The following SLC24A2 variants were observed in gnomAD, a reference collection of about 807,000 sequenced individuals.
The protein encoded by SLC24A2 is sodium/potassium/calcium exchanger 2.
A neutral mutation model predicts 62.0 loss-of-function variants in SLC24A2; 36 were observed. That is an observed-to-expected ratio of 0.58 (90% CI 0.44 to 0.77). SLC24A2 has a LOEUF of 0.77. SLC24A2 is among the 30% of genes least tolerant of loss of function. The pLI, the probability that SLC24A2 is intolerant of heterozygous loss-of-function variation, is 0.00. For missense variants in SLC24A2, 846 were observed against 817.9 expected (o/e 1.03, Z -0.42); for synonymous variants, 358 against 294.0 (o/e 1.22, Z -2.23).
At chr9:19,562,140 T>C (rs746430404) in intron 7 of SLC24A2, among the ~76,000 whole-genome samples, 1 of 152,214 alleles carries the variant, frequency 6.6e-6, no homozygotes, top group Non-Finnish European at 1.5e-5. Context: ...TCCATATTGC[T>C]GTAGTAAATT....
At chr9:19,945,573 G>C in the SLC24A2 span, among the ~76,000 whole-genome samples, 1 of 152,110 alleles carries the variant, frequency 6.6e-6, no homozygotes, top group Non-Finnish European at 1.5e-5. Context: ...AATTACCTTT[G>C]CTTGTGGCAT....
the SLC24A2 span, among the ~76,000 whole-genome samples, chr9:20,223,430 T>C: frequency 1.3e-5 from 2 of 152,088 alleles, no homozygotes; most frequent in Non-Finnish European, 2.9e-5. Context: ...TTCAAGACCA[T>C]CCTGGTCAAC....
intron 2 of SLC24A2, among the ~76,000 whole-genome samples, chr9:19,721,572 T>C (rs1428391391): frequency 6.6e-6 from 1 of 152,102 alleles, no homozygotes; most frequent in African/African-American, 2.4e-5. Context: ...ATCAGGGCAA[T>C]TAATAAAGAA....
chr9:19,890,006 C>T, the SLC24A2 span, among the ~76,000 whole-genome samples: 1 of 148,274 alleles, frequency 6.7e-6, no homozygotes, highest in Admixed American at 6.8e-5. Context: ...TCTTTGCACA[C>T]AGTTCATATC....
At chr9:19,686,866 A>C (rs1435117285) in intron 2 of SLC24A2, among the ~76,000 whole-genome samples, 1 of 152,176 alleles carries the variant, frequency 6.6e-6, no homozygotes, top group Non-Finnish European at 1.5e-5. Flanking sequence ...ACAACAGCAA[A>C]GACATGGAAT....
rs775977653 is a variant in SLC24A2, at chr9:19,573,459, C to T, written c.1239G>A (p.Glu413=). ...NGAANHVEKI[E]LPNSTSTDVE... ...CATCTGTGCTGGTGCTGTTTGGAAG[C>T]TCAATTTTTTCTGTGATATAATTTA... The change falls in exon 7 of 11, where the codon GAG becomes GAA. Residue 413 remains glutamate (E), a synonymous_variant. Transcript: ENST00000341998. 1.1e-5 allele frequency: 18 copies of T among 1,597,202 alleles called. No individual in the cohort carries two copies. The highest frequency in any genetic ancestry group is 1.5e-5 in the Non-Finnish European group (17 of 1,169,764).
chr9:20,039,407 C>A, the SLC24A2 span, among the ~76,000 whole-genome samples: 1 of 151,674 alleles, frequency 6.6e-6, no homozygotes, highest in Non-Finnish European at 1.5e-5. Flanking sequence ...GGGAGGGAAA[C>A]CCAGTCCAGG....
At chr9:20,072,317 T>C in the SLC24A2 span, among the ~76,000 whole-genome samples, 22 of 152,242 alleles carry the variant, frequency 1.4e-4, no homozygotes, top group East Asian at 3.7e-3. Context: ...GAGGGTCTTA[T>C]GACCCACAAG....
At chr9:20,269,990 T>G in the SLC24A2 span, among the ~76,000 whole-genome samples, 1 of 152,186 alleles carries the variant, frequency 6.6e-6, no homozygotes, top group Admixed American at 6.5e-5. Flanking sequence ...AGATTTTTCA[T>G]GCTGCATCAT....
intron 2 of SLC24A2, among the ~76,000 whole-genome samples, chr9:19,745,692 T>G (rs1821812835): frequency 6.6e-6 from 1 of 152,204 alleles, no homozygotes; most frequent in Non-Finnish European, 1.5e-5. Context: ...CTTTTCTACA[T>G]GCTGGGAAAG....
chr9:20,240,203 T>A, the SLC24A2 span, among the ~76,000 whole-genome samples: 1 of 152,130 alleles, frequency 6.6e-6, no homozygotes, highest in Admixed American at 6.5e-5. Flanking sequence ...GCAGCCACCC[T>A]ACCTGGGCAG....
chr9:20,106,184 T>A, the SLC24A2 span, among the ~76,000 whole-genome samples: 1 of 152,050 alleles, frequency 6.6e-6, no homozygotes, highest in Non-Finnish European at 1.5e-5. Context: ...AATAACAGGA[T>A]CTGAAATTGT....
the SLC24A2 span, among the ~76,000 whole-genome samples, chr9:20,269,719 T>C: frequency 6.6e-6 from 1 of 152,156 alleles, no homozygotes; most frequent in South Asian, 2.1e-4. Flanking sequence ...CTTCTGGTAG[T>C]CATCTCTATC....
intron 4 of SLC24A2, among the ~76,000 whole-genome samples, chr9:19,603,597 A>G (rs1836902156): frequency 6.6e-6 from 1 of 151,968 alleles, no homozygotes; most frequent in African/African-American, 2.4e-5. Flanking sequence ...AATATCTTCA[A>G]TTCTGTCTTT....
the SLC24A2 span, among the ~76,000 whole-genome samples, chr9:20,240,861 C>T: frequency 6.6e-6 from 1 of 152,146 alleles, no homozygotes; most frequent in Non-Finnish European, 1.5e-5. Context: ...CCCTTCTGCA[C>T]CTGGGAAGGT....
intron 5 of SLC24A2, among the ~76,000 whole-genome samples, chr9:19,592,374 G>C (rs1836578313): frequency 6.6e-6 from 1 of 152,000 alleles, no homozygotes; most frequent in Non-Finnish European, 1.5e-5. Context: ...TATTTTTCTG[G>C]AAATGTCTTT....
At chr9:20,013,789 A>G in the SLC24A2 span, among the ~76,000 whole-genome samples, 1 of 152,240 alleles carries the variant, frequency 6.6e-6, no homozygotes, top group South Asian at 2.1e-4. Context: ...AAAATTTTCA[A>G]AAGAAAACAT....
the SLC24A2 span, among the ~76,000 whole-genome samples, chr9:20,069,949 G>C: frequency 6.6e-6 from 1 of 151,744 alleles, no homozygotes; most frequent in East Asian, 1.9e-4. Flanking sequence ...AAAACCATCT[G>C]TATCTACACA....
the SLC24A2 span, among the ~76,000 whole-genome samples, chr9:20,273,196 C>T: frequency 1.3e-5 from 2 of 152,158 alleles, no homozygotes; most frequent in African/African-American, 2.4e-5. Context: ...GAGAAGACAG[C>T]GTAAGCAGAA....
Sources: gnomAD v4.1 joint callset for allele counts (sites outside exome capture counted in the v4.1 genomes callset) on GRCh38, gnomAD v4.1.1 for gene constraint, MANE v1.5 for transcripts, NCBI Gene and HGNC (gene_info 2026-07-23, HGNC 2026-07-21) for gene names.